The following CGN variants were observed in gnomAD, a reference collection of about 807,000 sequenced individuals.
The protein encoded by CGN is cingulin.
In CGN, 121 loss-of-function variants were observed where a neutral mutation model predicts 157.1. The ratio of observed to expected loss-of-function variants is 0.77; its 90% confidence interval spans 0.66 to 0.90. The LOEUF (loss-of-function observed/expected upper bound fraction) is 0.90. Among genes scored for constraint, CGN ranks in the 40% least tolerant of loss-of-function variants. The pLI, the probability that CGN is intolerant of heterozygous loss-of-function variation, is 0.00. For missense variants in CGN, 1,424 were observed against 1,520.9 expected (o/e 0.94, Z 1.06); for synonymous variants, 535 against 607.5 (o/e 0.88, Z 1.76).
intron 13 of CGN, 107 bp from the exon 14 acceptor site, chr1:151,532,295 A>T (rs970730746): frequency 1.3e-6 from 1 of 779,290 alleles, no homozygotes; most frequent in African/African-American, 1.8e-5. Flanking sequence ...AGAGCAAGAG[A>T]GGGCTGCCTT....
chr1:151,537,580 T>G lies in CGN; in HGVS notation c.*234T>G. On this transcript the variant is annotated 3_prime_UTR_variant, in exon 21 of 21. Transcript: ENST00000271636. The stretch of plus-strand genomic sequence containing the variant: ...AAGCCAACTGAGCCTTTTCCTCAAG[T>G]GCCGACACCTCCCTCATCTCTCTTA... The G allele has an allele frequency of 4.4e-6, 2 of 457,972 alleles. No individual in the cohort carries two copies. The highest frequency in any genetic ancestry group is 7.8e-6 in the Non-Finnish European group (2 of 257,660). 28.4% of individuals were successfully genotyped at this position (457,972 alleles called of 1,614,324 possible). A position where few individuals can be genotyped will look rare whatever the true frequency, so the allele number is the denominator to read the frequency against.
chr1:151,510,954 A>G (rs1347728060), upstream of CGN: 26 of 152,214 alleles, frequency 1.7e-4, no homozygotes, highest in Non-Finnish European at 2.9e-5. Context: ...GACAACGGAG[A>G]TATTTTCTGC....
Position 151,532,541 on chromosome 1 carries a change from C to G in CGN, c.2711C>G (p.Thr904Ser). 6.3e-7 allele frequency: 1 copy of G among 1,584,422 alleles called. No homozygotes were observed. The highest frequency in any genetic ancestry group is 1.8e-5 in the Admixed American group (1 of 54,158). Reference sequence around the variant, plus strand: ...GATTGGGCCAGTGAGGCTGAGAAGACCTCTGGAGGACTGAGCCGACTTCAG... The same window carrying G: ...GATTGGGCCAGTGAGGCTGAGAAGAGCTCTGGAGGACTGAGCCGACTTCAG... ...AKDWASEAEK[T>S]SGGLSRLQDE... Residue 904 changes from threonine (T) to serine (S), a missense_variant, in exon 14 of 21, where the codon ACC becomes AGC. Physicochemically the swap from Thr to Ser is moderately conservative, Grantham distance 58. Transcript: ENST00000271636.
intron 1 of CGN, chr1:151,515,378 T>C (rs182090538): frequency 4.6e-5 from 7 of 152,354 alleles, no homozygotes; most frequent in Admixed American, 4.6e-4. Flanking sequence ...AATTATTTAT[T>C]ATCTCATTCT....
At chr1:151,530,229 C>T in intron 12 of CGN, 114 bp downstream of exon 12, 1 of 1,179,544 alleles carries the variant, frequency 8.5e-7, no homozygotes, top group African/African-American at 1.5e-5. Context: ...TTTTGCCTCC[C>T]CAAACCTGCT....
intron 1 of CGN, among the ~76,000 whole-genome samples, chr1:151,517,661 C>T (rs1321073735): frequency 6.6e-6 from 1 of 152,010 alleles, no homozygotes; most frequent in Admixed American, 6.6e-5. Context: ...CAGGCATGCG[C>T]CACCACGCCT....
At chr1:151,515,300 G>A (rs6674647) in intron 1 of CGN, among the ~76,000 whole-genome samples, 3,305 of 152,106 alleles carry the variant, frequency 0.022, 127 homozygotes, top group African/African-American at 0.076. Context: ...ACTGCGCCTG[G>A]CCTAAATAAA....
intron 5 of CGN, 50 bp from the exon 6 acceptor site, chr1:151,523,384 G>A: frequency 6.5e-7 from 1 of 1,542,088 alleles, no homozygotes. Context: ...GAGTCTTTCT[G>A]AGAGGCTTTC....
At chr1:151,517,442 G>A (rs141237403) in intron 1 of CGN, among the ~76,000 whole-genome samples, 1 of 152,004 alleles carries the variant, frequency 6.6e-6, no homozygotes, top group East Asian at 1.9e-4. Flanking sequence ...TGAGATGGAG[G>A]TATCTGCTCA....
Position 151,518,569 on chromosome 1 carries a change from G to A in CGN, c.50G>A (p.Gly17Glu). 1 of 1,613,734 alleles carries A rather than the reference G, an allele frequency of 6.2e-7. No individual in the cohort carries two copies. The highest frequency in any genetic ancestry group is 8.5e-7 in the Non-Finnish European group (1 of 1,179,700). Reference sequence around the variant, plus strand: ...GAGCCCCGGGGCCCCGTAGACCATGGAGTCCAGATTCGCTTCATCACAGAG... The same window carrying A: ...GAGCCCCGGGGCCCCGTAGACCATGAAGTCCAGATTCGCTTCATCACAGAG... ...MAEPRGPVDHGVQIRFITEPV... is the reference protein window; with the variant it reads ...MAEPRGPVDHEVQIRFITEPV... The change falls in exon 2 of 21, where the codon GGA becomes GAA. Residue 17 changes from glycine (G) to glutamate (E), a missense_variant. Gly to Glu is a moderately conservative substitution (Grantham distance 98). Coordinates refer to ENST00000271636, the MANE Select transcript of CGN (RefSeq NM_020770.3).
intron 9 of CGN, 43 bp from the exon 10 acceptor site, chr1:151,526,932 T>C: frequency 6.2e-7 from 1 of 1,613,740 alleles, no homozygotes; most frequent in Non-Finnish European, 8.5e-7. Context: ...CATGTGGCCT[T>C]ACTCTGTTCC....
rs758846139 is a variant in CGN, at chr1:151,524,755, C to T, written c.1483C>T (p.Arg495Trp). Reference sequence around the variant, plus strand: ...AGAGGAGCAGCTGAGGCTGCGGGAGCGGGAGTTGACAGCCCTGAAGGGGGC... The same window carrying T: ...AGAGGAGCAGCTGAGGCTGCGGGAGTGGGAGTTGACAGCCCTGAAGGGGGC... The part of the protein sequence containing the change: ...RVEEQLRLRE[R>W]ELTALKGALK... The change falls in exon 8 of 21, where the codon CGG becomes TGG. Residue 495 changes from arginine to tryptophan, a missense_variant. Transcript: ENST00000271636. This position sits in a 1 kb window ranked among gnomAD's most constrained non-coding sequence, Gnocchi z 4.4. 21 of 1,611,336 alleles carry T rather than the reference C, an allele frequency of 1.3e-5. No individual in the cohort carries two copies. The highest frequency in any genetic ancestry group is 1.8e-4 in the Middle Eastern group (1 of 5,546).
At chr1:151,525,883 A>G in intron 9 of CGN, 93 bp downstream of exon 9, 1 of 937,516 alleles carries the variant, frequency 1.1e-6, no homozygotes. Flanking sequence ...ATTTTAATTT[A>G]TTTTTTGGGA....
At chr1:151,530,203 C>T in intron 12 of CGN, 88 bp downstream of exon 12, 2 of 1,399,766 alleles carry the variant, frequency 1.4e-6, no homozygotes, top group South Asian at 2.6e-5. Context: ...TTCACTTTGC[C>T]CTTAGTGTGC....
intron 10 of CGN, among the ~76,000 whole-genome samples, chr1:151,527,395 A>G (rs1474287711): frequency 6.6e-6 from 1 of 152,196 alleles, no homozygotes; most frequent in East Asian, 1.9e-4. Flanking sequence ...TGGATTTGTG[A>G]AACTCCAGGA....
rs372537987 is a variant in CGN at position 151,518,976 on chromosome 1, A to G, written c.457A>G (p.Ser153Gly). ...TGGCCCAGTGGATCCTAGTAACAGA[A>G]GCAACAGCATGCTGGAGCTAGCCCC... ...GPGPVDPSNR[S>G]NSMLELAPKV... The change falls in exon 2 of 21, where the codon AGC becomes GGC. Residue 153 changes from serine (S) to glycine (G), a missense_variant. Physicochemically the swap from Ser to Gly is moderately conservative, Grantham distance 56. This residue lies in a region of CGN where 1,187 missense variants were observed against 1,217.6 expected (regional missense o/e 0.97). Transcript: ENST00000271636. 4 of 1,614,234 alleles carry G rather than the reference A, an allele frequency of 2.5e-6. No homozygotes were observed. Among genetic ancestry groups the G allele is most frequent in the East Asian group, 4.5e-5 (2 of 44,888 alleles).
chr1:151,520,463 G>A lies in CGN; in HGVS notation c.1024G>A (p.Glu342Lys), dbSNP rs1222052000. ...GAGGAGGAAGGTTAGTTTGGTGCTG[G>A]AGAAGATGCAGCCTCTAGTGGTGAG... Reference protein sequence around the residue: ...SVRRKVSLVLEKMQPLVMVSS... With the variant: ...SVRRKVSLVLKKMQPLVMVSS... The change falls in exon 4 of 21, where the codon GAG becomes AAG. Residue 342 changes from glutamate to lysine, a missense_variant. Physicochemically the swap from Glu to Lys is moderately conservative, Grantham distance 56. Coordinates refer to ENST00000271636, the MANE Select transcript of CGN (RefSeq NM_020770.3). 1.9e-6 allele frequency: 3 copies of A among 1,614,186 alleles called. No homozygotes were observed. The highest frequency in any genetic ancestry group is 3.3e-5 in the Admixed American group (2 of 60,028).
chr1:151,530,823 G>T (rs1214315405), intron 13 of CGN, 77 bp downstream of exon 13: 2 of 1,450,912 alleles, frequency 1.4e-6, no homozygotes, highest in Non-Finnish European at 1.9e-6. Context: ...ACAGGGGCTT[G>T]GGGGAGAGGG....
At chr1:151,535,514 C>G (rs1553247125) in intron 16 of CGN, 86 bp from the exon 17 acceptor site, 12 of 1,073,300 alleles carry the variant, frequency 1.1e-5, no homozygotes, top group African/African-American at 1.6e-5. Context: ...AGAGACCATC[C>G]TCCCATGACT....
Sources: allele counts gnomAD v4.1 joint callset (sites outside exome capture counted in the v4.1 genomes callset), GRCh38; gene constraint gnomAD v4.1.1; regional missense constraint gnomAD v4.1.1; non-coding constraint Gnocchi (gnomAD v3.1); transcripts MANE v1.5; gene names NCBI Gene and HGNC (gene_info 2026-07-23, HGNC 2026-07-21).